POLN: variants seen among roughly 807,000 people sequenced by gnomAD.
The protein encoded by POLN is DNA polymerase N.
POLN carries 108 observed loss-of-function variants against 113.5 expected under a neutral mutation model. The ratio of observed to expected loss-of-function variants is 0.95; its 90% CI spans 0.81 to 1.12. The LOEUF (loss-of-function observed/expected upper bound fraction) is 1.12. POLN is among the 50% of genes most tolerant of loss of function. The pLI, the probability that POLN is intolerant of heterozygous loss-of-function variation, is 0.00. For missense variants in POLN, 1,097 were observed against 1,077.1 expected (o/e 1.02, Z -0.26); for synonymous variants, 386 against 391.5 (o/e 0.99, Z 0.17).
At chr4:2,072,827 G>T in intron 25 of POLN, 141 bp downstream of exon 25, 1 of 847,384 alleles carries the variant, frequency 1.2e-6, no homozygotes, top group Non-Finnish European at 1.9e-6. Flanking sequence ...GGACGGTCCA[G>T]CCTCCACGGC....
Position 2,075,528 on chromosome 4 carries a change from G to T in POLN, c.2388-9C>A. The T allele has an allele frequency of 6.2e-7, 1 of 1,613,024 alleles. No homozygotes were observed. The highest frequency in any genetic ancestry group is 8.5e-7 in the Non-Finnish European group (1 of 1,179,876). On this transcript the variant is annotated splice_polypyrimidine_tract_variant and intron_variant, in intron 23 of 25. Transcript: ENST00000511885. ...GGATCTGGGCCACCAGCCTGGCAGG[G>T]AGGGAAGGAGTCACCCTGGGAGGCC...
chr4:2,083,171 C>A (rs1730468749), intron 21 of POLN, among the ~76,000 whole-genome samples: 1 of 152,206 alleles, frequency 6.6e-6, no homozygotes, highest in Non-Finnish European at 1.5e-5. Context: ...CAAAAACAGA[C>A]ACAAGGGGGA....
chr4:2,120,378 C>T lies in POLN; in HGVS notation c.1982+7735G>A, dbSNP rs375839934. ...TTTGTATGTTGAGTCTTCCATACCCCGAACATGGTATTTCTCTTGAATTCT... is the reference window on the plus strand; with the variant it reads ...TTTGTATGTTGAGTCTTCCATACCCTGAACATGGTATTTCTCTTGAATTCT... On this transcript the variant is annotated intron_variant, in intron 19 of 25. Coordinates refer to ENST00000511885, the MANE Select transcript of POLN (RefSeq NM_181808.4). 2.0e-5 allele frequency among the ~76,000 whole-genome samples: 3 copies of T among 151,560 alleles called. No homozygotes were observed. The South Asian group carries it at 6.2e-4, about 31-fold the overall frequency.
At chr4:2,132,264 T>A (rs554686154) in intron 16 of POLN, among the ~76,000 whole-genome samples, 1 of 152,152 alleles carries the variant, frequency 6.6e-6, no homozygotes. Context: ...AAAACAGCTA[T>A]TGAATTTGAA....
intron 16 of POLN, among the ~76,000 whole-genome samples, chr4:2,135,848 G>A (rs751929529): frequency 2.0e-5 from 3 of 152,220 alleles, no homozygotes; most frequent in Non-Finnish European, 2.9e-5. Flanking sequence ...GTGCTAGCAC[G>A]CAGGGGAACC....
intron 16 of POLN, 137 bp downstream of exon 16, chr4:2,156,651 A>G: frequency 2.8e-6 from 2 of 724,112 alleles, no homozygotes; most frequent in East Asian, 5.4e-5. Flanking sequence ...CAGAATAAAC[A>G]GAATAAAACA....
At chr4:2,135,144 C>CAAAATGAAAGGGTGTCACAGGAGACT (rs1384100460) in intron 16 of POLN, among the ~76,000 whole-genome samples, 2 of 152,046 alleles carry the variant, frequency 1.3e-5, no homozygotes, top group Admixed American at 6.5e-5. Context: ...TTCAAATGAA[C>CAAAATGAAAGGGTGTCACAGGAGACT]AAAATGAAAG....
At chr4:2,239,946 T>C (rs1734910191) in intron 2 of POLN, 2 of 917,412 alleles carry the variant, frequency 2.2e-6, no homozygotes. Context: ...TCTTCTCAGA[T>C]GCACCATTCT....
At chr4:2,081,256 C>G in intron 22 of POLN, 1 of 1,391,120 alleles carries the variant, frequency 7.2e-7, no homozygotes, top group South Asian at 1.3e-5. Flanking sequence ...GGGTGCCTTA[C>G]TCCTGGAGGC....
At chr4:2,146,720 C>G (rs548243833) in intron 16 of POLN, among the ~76,000 whole-genome samples, 1 of 152,118 alleles carries the variant, frequency 6.6e-6, no homozygotes, top group African/African-American at 2.4e-5. Context: ...AACTAACGGG[C>G]AGCAGCCAGG....
chr4:2,143,680 C>A (rs1732061719), intron 16 of POLN, among the ~76,000 whole-genome samples: 1 of 152,062 alleles, frequency 6.6e-6, no homozygotes, highest in African/African-American at 2.4e-5. Context: ...GGAACACTTC[C>A]CAATTCATTT....
intron 20 of POLN, among the ~76,000 whole-genome samples, chr4:2,091,792 T>C (rs1174841028): frequency 1.6e-5 from 2 of 125,432 alleles, no homozygotes; most frequent in African/African-American, 6.6e-5. Context: ...TGTGTGTGTG[T>C]GTGTGTGTGC....
chr4:2,169,962 T>G (rs1732818481), intron 13 of POLN, among the ~76,000 whole-genome samples: 1 of 152,220 alleles, frequency 6.6e-6, no homozygotes, highest in Non-Finnish European at 1.5e-5. Context: ...CTTGAGGGCC[T>G]GTACTCTAAG....
At chr4:2,191,065 C>T (rs991522835) in intron 7 of POLN, among the ~76,000 whole-genome samples, 3 of 152,156 alleles carry the variant, frequency 2.0e-5, no homozygotes, top group African/African-American at 7.2e-5. Flanking sequence ...TCTGCATTCC[C>T]ATGTTACTGC....
intron 6 of POLN, among the ~76,000 whole-genome samples, chr4:2,194,990 C>A (rs111671739): frequency 3.3e-4 from 50 of 152,096 alleles, no homozygotes; most frequent in African/African-American, 1.2e-3. Flanking sequence ...AGGCTTCCTC[C>A]TCTGTAAAAT....
chr4:2,141,936 T>C (rs979135348), intron 16 of POLN, among the ~76,000 whole-genome samples: 1 of 152,152 alleles, frequency 6.6e-6, no homozygotes, highest in African/African-American at 2.4e-5. Context: ...CCAGAGGAAG[T>C]CAGAGCCTTT....
At chr4:2,140,191 C>T (rs916373730) in intron 16 of POLN, among the ~76,000 whole-genome samples, 49 of 152,278 alleles carry the variant, frequency 3.2e-4, no homozygotes, top group African/African-American at 1.2e-3. Context: ...GATTGTCCTG[C>T]CTCGGTCTCC....
At chr4:2,165,019 G>A (rs189572354) in intron 13 of POLN, among the ~76,000 whole-genome samples, 16 of 151,952 alleles carry the variant, frequency 1.1e-4, no homozygotes, top group Admixed American at 9.8e-4. Context: ...ACAGTTTGGC[G>A]GTTTCTTACA....
intron 13 of POLN, among the ~76,000 whole-genome samples, chr4:2,169,590 C>T (rs1732811010): frequency 6.6e-6 from 1 of 152,198 alleles, no homozygotes; most frequent in Non-Finnish European, 1.5e-5. Context: ...CACGCACACA[C>T]ACTGAAGCCT....
Sources: gnomAD v4.1 joint callset for allele counts (sites outside exome capture counted in the v4.1 genomes callset) on GRCh38, gnomAD v4.1.1 for gene constraint, MANE v1.5 for transcripts, NCBI Gene and HGNC (gene_info 2026-07-23, HGNC 2026-07-21) for gene names.